Variants in MRPL13 observed in about 807,000 individuals in gnomAD.
MRPL13 encodes mitochondrial ribosomal protein L13, also known as large ribosomal subunit protein uL13m.
MRPL13 carries 33 observed loss-of-function variants against 29.0 expected under a neutral mutation model. The observed-to-expected ratio is 1.14, with a 90% CI of 0.86 to 1.52. The LOEUF (loss-of-function observed/expected upper bound fraction) is 1.52, where lower values mean the gene tolerates loss of function less well. Ranked by LOEUF, MRPL13 falls within the 40% of genes most tolerant of loss-of-function variation. The probability of loss-of-function intolerance (pLI) is 0.00; values close to 1 mark genes in which losing one functional copy is unlikely to be tolerated. For synonymous variants in MRPL13, 77 were observed against 68.4 expected, an observed-to-expected ratio of 1.13 and a Z score of -0.62; for missense variants, 227 against 216.7, an observed-to-expected ratio of 1.05 and a Z score of -0.30.
intron 2 of MRPL13, among the ~76,000 whole-genome samples, chr8:120,438,366 A>T (rs1813078746): frequency 1.3e-5 from 2 of 152,180 alleles, no homozygotes; most frequent in Non-Finnish European, 2.9e-5. Flanking sequence ...ACAAAAATGC[A>T]ATTCAGTCTT....
intron 6 of MRPL13, among the ~76,000 whole-genome samples, chr8:120,407,898 T>A (rs974379225): frequency 3.3e-5 from 5 of 152,140 alleles, no homozygotes; most frequent in Non-Finnish European, 4.4e-5. Flanking sequence ...TTTAAAAGAC[T>A]AAAATAATAT....
intron 6 of MRPL13, among the ~76,000 whole-genome samples, chr8:120,408,376 T>C (rs1392573286): frequency 6.6e-6 from 1 of 152,232 alleles, no homozygotes; most frequent in African/African-American, 2.4e-5. Flanking sequence ...GTTGTTTAAA[T>C]AGAGACTACT....
At chr8:120,431,315 T>C (rs556260501) in intron 3 of MRPL13, among the ~76,000 whole-genome samples, 3 of 152,150 alleles carry the variant, frequency 2.0e-5, no homozygotes, top group Non-Finnish European at 4.4e-5. Flanking sequence ...CCTGAAGCTA[T>C]GGGTTAACTA....
chr8:120,431,444 A>G (rs995836755), intron 3 of MRPL13, among the ~76,000 whole-genome samples: 1 of 152,210 alleles, frequency 6.6e-6, no homozygotes, highest in Non-Finnish European at 1.5e-5. Context: ...AGGAGAAGAC[A>G]TGATTCAACA....
chr8:120,436,574 A>G (rs1425782898), intron 2 of MRPL13, among the ~76,000 whole-genome samples: 1 of 152,112 alleles, frequency 6.6e-6, no homozygotes, highest in Non-Finnish European at 1.5e-5. Flanking sequence ...TGTGGTTTGC[A>G]AATATTTTCT....
intron 2 of MRPL13, among the ~76,000 whole-genome samples, chr8:120,437,358 C>T (rs373797015): frequency 6.6e-6 from 1 of 152,078 alleles, no homozygotes; most frequent in Non-Finnish European, 1.5e-5. Context: ...AAACTGAGTG[C>T]AACTTTTGTT....
intron 4 of MRPL13, among the ~76,000 whole-genome samples, chr8:120,421,628 C>T (rs567131346): frequency 4.4e-4 from 67 of 151,932 alleles, no homozygotes; most frequent in Non-Finnish European, 4.9e-4. Context: ...AAAATTAAGA[C>T]TTAAAAAATT....
In MRPL13 at chr8:120,443,223, CTT is replaced by C; in HGVS notation, c.111_112del (p.Ile37MetfsTer7). 6.2e-7 allele frequency: 1 copy of C among 1,607,800 alleles called. No individual in the cohort carries two copies. Among genetic ancestry groups the C allele is most frequent in the African/African-American group, 1.3e-5 (1 of 74,142 alleles). ...CACAGGTTTATGTAATCCCTGAAGT[CTT>C]ATAGATGCCATAGCAGCAAGTTTGC... On this transcript the variant is annotated frameshift_variant, in exon 2 of 7. Coordinates refer to ENST00000306185, the MANE Select transcript of MRPL13 (RefSeq NM_014078.6). LOFTEE classifies it high-confidence loss of function.
chr8:120,422,961 G>A (rs765391191), intron 4 of MRPL13, among the ~76,000 whole-genome samples: 5 of 151,878 alleles, frequency 3.3e-5, no homozygotes, highest in Non-Finnish European at 7.4e-5. Context: ...ATTATAAATT[G>A]CGGACCTACA....
chr8:120,395,876 A>C lies in MRPL13; in HGVS notation c.*228T>G. On this transcript the variant is annotated 3_prime_UTR_variant, in exon 7 of 7. Transcript: ENST00000306185. ...CCAAGTAAGTGATTTTATTATTATC[A>C]ACTATAACATTCAAATCAGATTACA... 1 of 403,002 alleles carries C rather than the reference A, an allele frequency of 2.5e-6. No homozygotes were observed. Among genetic ancestry groups the C allele is most frequent in the East Asian group, 4.3e-5 (1 of 23,166 alleles). 25.0% of individuals were successfully genotyped at this position (403,002 alleles called of 1,614,324 possible).
chr8:120,397,396 C>CT (rs1201490018), intron 6 of MRPL13, among the ~76,000 whole-genome samples: 1 of 152,176 alleles, frequency 6.6e-6, no homozygotes, highest in African/African-American at 2.4e-5. Context: ...TCCATGGCAT[C>CT]TCACAAGTTA....
intron 6 of MRPL13, among the ~76,000 whole-genome samples, chr8:120,398,954 C>A (rs1028390343): frequency 6.6e-6 from 1 of 151,656 alleles, no homozygotes; most frequent in South Asian, 2.1e-4. Context: ...CACACACACA[C>A]AGAATGAAAA....
At chr8:120,409,135 T>C (rs957599573) in intron 6 of MRPL13, among the ~76,000 whole-genome samples, 1 of 152,180 alleles carries the variant, frequency 6.6e-6, no homozygotes. Flanking sequence ...GTTTCTGTTA[T>C]AAAAACCTGT....
At chr8:120,425,425 T>G in intron 3 of MRPL13, 59 bp from the exon 4 acceptor site, 1 of 1,106,226 alleles carries the variant, frequency 9.0e-7, no homozygotes, top group Non-Finnish European at 1.3e-6. Context: ...ATTCTTAAAC[T>G]GATCATTCTT....
At position 120,445,099 on chromosome 8, in the gene MRPL13, C is replaced by T; in HGVS notation, c.-5G>A. ...CGCCCTAGAGAAACTCGACATATTC[C>T]TCTACTAGCAGGACCGTACGTCCTT... On this transcript the variant is annotated 5_prime_UTR_variant, in exon 1 of 7. Coordinates refer to ENST00000306185, the MANE Select transcript of MRPL13 (RefSeq NM_014078.6). 1 of 1,613,968 alleles carries T rather than the reference C, an allele frequency of 6.2e-7. No homozygotes were observed. Among genetic ancestry groups the T allele is most frequent in the Non-Finnish European group, 8.5e-7 (1 of 1,179,934 alleles).
chr8:120,432,780 C>A (rs1370121606), intron 2 of MRPL13, among the ~76,000 whole-genome samples: 3 of 152,148 alleles, frequency 2.0e-5, no homozygotes, highest in Non-Finnish European at 4.4e-5. Context: ...CATTTTCTAT[C>A]CCTAAGTTTG....
At chr8:120,399,819 C>T (rs765615234) in intron 6 of MRPL13, among the ~76,000 whole-genome samples, 1 of 151,834 alleles carries the variant, frequency 6.6e-6, no homozygotes, top group South Asian at 2.1e-4. Context: ...AAATGGAAAA[C>T]AGAAAAAAGC....
chr8:120,415,920 T>A (rs1812797336), intron 5 of MRPL13: 1 of 152,204 alleles, frequency 6.6e-6, no homozygotes, highest in African/African-American at 2.4e-5. Context: ...GTAAAGACAA[T>A]TTCAAAAAGC....
intron 6 of MRPL13, among the ~76,000 whole-genome samples, chr8:120,400,701 TAAATAAA>T (rs1812582858): frequency 1.7e-4 from 2 of 11,844 alleles, no homozygotes; most frequent in Admixed American, 1.7e-3. Flanking sequence ...TTTTGGAAAA[TAAATAAA>T]TAAATAAATA....
Sources: allele counts gnomAD v4.1 joint callset (sites outside exome capture counted in the v4.1 genomes callset), GRCh38; gene constraint gnomAD v4.1.1; transcripts MANE v1.5; gene names NCBI Gene and HGNC (gene_info 2026-07-23, HGNC 2026-07-21).